The following CCDC171 variants were observed in gnomAD, a reference collection of about 807,000 sequenced individuals.
CCDC171 encodes the protein coiled-coil domain-containing protein 171.
A neutral mutation model predicts 168.2 loss-of-function variants in CCDC171; 177 were observed. The observed-to-expected ratio is 1.05, with a 90% CI of 0.93 to 1.19. The LOEUF (loss-of-function observed/expected upper bound fraction) is 1.19, where lower values mean the gene tolerates loss of function less well. Ranked by LOEUF, CCDC171 falls within the 50% of genes most tolerant of loss-of-function variation. The pLI, the probability that CCDC171 is intolerant of heterozygous loss-of-function variation, is 0.00. For synonymous variants in CCDC171, 687 were observed against 540.8 expected (o/e 1.27, Z -3.75); for missense variants, 1,991 against 1,539.0 (o/e 1.29, Z -4.91).
chr9:15,650,409 A>T (rs1236350654), intron 7 of CCDC171, among the ~76,000 whole-genome samples: 1 of 152,132 alleles, frequency 6.6e-6, no homozygotes, highest in African/African-American at 2.4e-5. Context: ...AAAAAAAAGA[A>T]AAAAAATAAA....
intron 16 of CCDC171, among the ~76,000 whole-genome samples, chr9:15,740,548 C>T (rs1319919107): frequency 6.6e-6 from 1 of 152,090 alleles, no homozygotes; most frequent in Admixed American, 6.6e-5. Context: ...AGTTCTCCTA[C>T]GTCAGCTTCC....
intron 4 of CCDC171, among the ~76,000 whole-genome samples, chr9:15,583,060 A>C (rs1238821886): frequency 3.3e-5 from 5 of 152,166 alleles, no homozygotes; most frequent in Non-Finnish European, 5.9e-5. Flanking sequence ...ACAGCAGCAC[A>C]ATTCACAATT....
chr9:15,920,981 C>A (rs958746924), intron 25 of CCDC171, among the ~76,000 whole-genome samples: 4 of 151,208 alleles, frequency 2.6e-5, no homozygotes, highest in Non-Finnish European at 5.9e-5. Flanking sequence ...AAAAATTTCT[C>A]TACTTGAAAT....
At chr9:15,749,607 A>G (rs536938733) in intron 18 of CCDC171, among the ~76,000 whole-genome samples, 1 of 152,338 alleles carries the variant, frequency 6.6e-6, no homozygotes, top group East Asian at 1.9e-4. Context: ...AAGAACAGAA[A>G]TCACAACAAA....
chr9:15,870,947 T>C (rs1161644433), intron 23 of CCDC171, among the ~76,000 whole-genome samples: 1 of 151,348 alleles, frequency 6.6e-6, no homozygotes, highest in Non-Finnish European at 1.5e-5. Flanking sequence ...TTTTAAAATA[T>C]ATTTATCTTG....
intron 3 of CCDC171, among the ~76,000 whole-genome samples, chr9:15,980,682 T>C (rs1831763863): frequency 1.3e-5 from 2 of 152,106 alleles, no homozygotes; most frequent in Non-Finnish European, 2.9e-5. Flanking sequence ...CATTCTGTAA[T>C]ACCTGGGCAT....
chr9:15,968,516 T>C (rs1003355791), intron 25 of CCDC171, among the ~76,000 whole-genome samples: 2 of 150,826 alleles, frequency 1.3e-5, no homozygotes, highest in Non-Finnish European at 2.9e-5. Flanking sequence ...CAAATCAAAG[T>C]TTCACCAGAA....
At chr9:16,075,354 G>C in the CCDC171 span, among the ~76,000 whole-genome samples, 62 of 152,136 alleles carry the variant, frequency 4.1e-4, no homozygotes, top group African/African-American at 1.1e-3. Flanking sequence ...TTGATTTCCT[G>C]TTCCTTATTC....
Position 15,678,894 on chromosome 9 carries a change from A to G in CCDC171, c.1213A>G (p.Met405Val). 6.3e-7 allele frequency: 1 copy of G among 1,577,066 alleles called. No individual in the cohort carries two copies. Among genetic ancestry groups the G allele is most frequent in the South Asian group, 1.2e-5 (1 of 82,518 alleles). ...CAGTGAATTACAGGAAGAACTAGTA[A>G]TGGTAAGGATAAAAAAGAAAACCCT... ...SCSELQEELV[M>V]AKKHQAFLVE... is the part of the protein sequence containing the mutation. The change falls in exon 10 of 26, where the codon ATG (methionine) becomes GTG (valine). Residue 405 changes from methionine to valine, a missense_variant and splice_region_variant. Coordinates refer to ENST00000380701, the MANE Select transcript of CCDC171 (RefSeq NM_173550.4).
intron 25 of CCDC171, among the ~76,000 whole-genome samples, chr9:15,950,611 C>T (rs1283050418): frequency 6.6e-6 from 1 of 152,024 alleles, no homozygotes; most frequent in Non-Finnish European, 1.5e-5. Flanking sequence ...CCTAAAAGAG[C>T]TCCTGAAGGA....
intron 21 of CCDC171, among the ~76,000 whole-genome samples, chr9:15,840,568 A>G (rs1232417674): frequency 1.3e-5 from 2 of 152,160 alleles, no homozygotes; most frequent in Non-Finnish European, 2.9e-5. Context: ...TAGCAGCATC[A>G]TGATGGTTGT....
At chr9:15,863,520 C>G (rs548734305) in intron 23 of CCDC171, among the ~76,000 whole-genome samples, 36 of 151,894 alleles carry the variant, frequency 2.4e-4, no homozygotes, top group African/African-American at 8.7e-4. Context: ...TCTAACTACC[C>G]CCACCCCACC....
intron 18 of CCDC171, among the ~76,000 whole-genome samples, chr9:15,769,074 T>A (rs1029599246): frequency 6.6e-6 from 1 of 152,238 alleles, no homozygotes; most frequent in Non-Finnish European, 1.5e-5. Context: ...TCCAGACATA[T>A]GAGAAATAAC....
rs1345867658 is a variant in CCDC171 at position 16,035,831 on chromosome 9, G to A, written n.1068-262G>A. On this transcript the variant is annotated intron_variant and non_coding_transcript_variant, in intron 7 of 9. Transcript: ENST00000486641. ...TCACTGGGCTATGTTGTGTGGAAGA[G>A]TAACTTACACATTTGATCAGAGTTG... 2.0e-5 allele frequency among the ~76,000 whole-genome samples: 3 copies of A among 152,206 alleles called. No homozygotes were observed. The East Asian group carries it at 5.8e-4, about 29-fold the overall frequency.
At chr9:16,032,798 G>A (rs1485736235) in intron 6 of CCDC171, among the ~76,000 whole-genome samples, 2 of 152,186 alleles carry the variant, frequency 1.3e-5, no homozygotes, top group Non-Finnish European at 2.9e-5. Flanking sequence ...GGAACTTCTT[G>A]TAAGGATAAG....
chr9:15,799,986 T>C lies in CCDC171; in HGVS notation c.3267+15292T>C, dbSNP rs549698886. On this transcript the variant is annotated intron_variant, in intron 21 of 25. Coordinates refer to ENST00000380701, the MANE Select transcript of CCDC171 (RefSeq NM_173550.4). ...CTCTTATGGCTGCGTAATACTCTAT[T>C]GTGTATAAGTACCACATTTTCTTTA... Among the ~76,000 whole-genome samples the C allele has an allele frequency of 9.2e-5, 14 of 152,180 alleles. 1 individual carries two copies.
At chr9:15,587,490 A>T (rs1452450973) in intron 4 of CCDC171, 2 of 364,428 alleles carry the variant, frequency 5.5e-6, no homozygotes, top group African/African-American at 4.2e-5. Flanking sequence ...GCCATGTGAA[A>T]CTGTAAGTCC....
rs2043839351 is a variant in CCDC171 at position 15,613,348 on chromosome 9, AATTG to A, written c.676-9916_676-9913del. Among the ~76,000 whole-genome samples, 3 of 152,180 alleles carry A rather than the reference AATTG, an allele frequency of 2.0e-5. No individual in the cohort carries two copies. In the South Asian group the frequency reaches 6.2e-4, roughly 32 times the overall value. ...AATGAAACCAGTTTTAGCATAGGTT[AATTG>A]ATATAAATGAGTTAAGTTCTTGGAG... On this transcript the variant is annotated intron_variant, in intron 6 of 25. Coordinates refer to ENST00000380701, the MANE Select transcript of CCDC171 (RefSeq NM_173550.4).
intron 7 of CCDC171, among the ~76,000 whole-genome samples, chr9:15,641,460 CAT>C (rs1337854674): frequency 6.6e-6 from 1 of 152,146 alleles, no homozygotes; most frequent in Non-Finnish European, 1.5e-5. Flanking sequence ...TCATTGTACA[CAT>C]ATGTTTTCAT....
Sources: allele counts gnomAD v4.1 joint callset (sites outside exome capture counted in the v4.1 genomes callset), GRCh38; gene constraint gnomAD v4.1.1; transcripts MANE v1.5; gene names NCBI Gene and HGNC (gene_info 2026-07-23, HGNC 2026-07-21).